The following NUP107 variants were observed in gnomAD, a reference collection of about 807,000 sequenced individuals.
NUP107 encodes nuclear pore complex protein Nup107.
NUP107 carries 101 observed loss-of-function variants against 141.0 expected under a neutral mutation model. That is an observed-to-expected ratio of 0.72 (90% CI 0.61 to 0.84). NUP107 has a LOEUF of 0.84. Ranked by LOEUF, NUP107 falls within the 40% of genes least tolerant of loss-of-function variation. The probability of loss-of-function intolerance (pLI) is 0.00; values close to 1 mark genes in which losing one functional copy is unlikely to be tolerated. For synonymous variants in NUP107, 319 were observed against 363.9 expected (o/e 0.88, Z 1.41); for missense variants, 941 against 1,102.7 (o/e 0.85, Z 2.08).
At chr12:68,706,183 C>CA (rs1876571964) in intron 8 of NUP107, 1 of 766,734 alleles carries the variant, frequency 1.3e-6, no homozygotes, top group Admixed American at 1.7e-5. Context: ...AGGATGATAT[C>CA]AAAAAGCATA....
At chr12:68,696,791 T>TC (rs768534901) in intron 5 of NUP107, 28 bp from the exon 6 acceptor site, 23 of 1,118,844 alleles carry the variant, frequency 2.1e-5, no homozygotes, top group Middle Eastern at 4.2e-4. Context: ...TTTTCTTTAT[T>TC]CCTTTTTTTT....
chr12:68,731,358 G>A (rs889248071), intron 21 of NUP107, 98 bp downstream of exon 21: 22 of 1,219,188 alleles, frequency 1.8e-5, no homozygotes, highest in Non-Finnish European at 1.6e-5. Context: ...TCTTATTTCT[G>A]TTGAGGGGAA....
Position 68,688,980 on chromosome 12 carries a change from A to T in NUP107, c.27A>T (p.Ile9=). ...ACTTTAGGAGTGGCTTTGGAGAGAT[A>T]TCATCCCCTGTAATCCGGGAGGCAG... MDRSGFGE[I]SSPVIREAEV... is the part of the protein sequence containing the mutation. Residue 9 remains isoleucine, a synonymous_variant, in exon 2 of 28, where the codon ATA becomes ATT. Transcript: ENST00000229179. 6.2e-7 allele frequency: 1 copy of T among 1,613,490 alleles called. No individual in the cohort carries two copies. Among genetic ancestry groups the T allele is most frequent in the Non-Finnish European group, 8.5e-7 (1 of 1,179,534 alleles).
rs982203386 is a variant in NUP107 at position 68,744,224 on chromosome 12, T to G, written c.*1762T>G. On this transcript the variant is annotated 3_prime_UTR_variant, in exon 28 of 28. Transcript: ENST00000229179. ...CTGTCATCTATTTAGGAACTTGTTT[T>G]GCATGTCCCCCACTCTGTATTTGTC... The G allele has an allele frequency of 6.6e-6, 1 of 152,156 alleles. No individual in the cohort carries two copies. Among genetic ancestry groups the G allele is most frequent in the Non-Finnish European group, 1.5e-5 (1 of 68,032 alleles). 9.4% of individuals were successfully genotyped at this position (152,156 alleles called of 1,614,324 possible).
At chr12:68,732,445 A>G (rs1044836774) in intron 22 of NUP107, 192 bp from the exon 23 acceptor site, 22 of 434,418 alleles carry the variant, frequency 5.1e-5, no homozygotes, top group Non-Finnish European at 7.8e-5. Context: ...AGTATTTTCT[A>G]TAATTTAATA....
At chr12:68,712,186 A>G (rs894009034) in intron 10 of NUP107, among the ~76,000 whole-genome samples, 48 of 152,124 alleles carry the variant, frequency 3.2e-4, no homozygotes, top group African/African-American at 1.1e-3. Flanking sequence ...AAAGATTTTT[A>G]AAAGGTCAGA....
In NUP107 at chr12:68,726,492, C is replaced by T. The variant is rs1052879654; in HGVS notation, c.1577-7C>T. 1 of 1,561,452 alleles carries T rather than the reference C, an allele frequency of 6.4e-7. No homozygotes were observed. Among genetic ancestry groups the T allele is most frequent in the Non-Finnish European group, 8.8e-7 (1 of 1,133,348 alleles). The stretch of plus-strand genomic sequence containing the variant: ...TATTGTTGAATCTTCACTTTGATGG[C>T]TTGTAGGTTTGATGGATGAGTTTAG... On this transcript the variant is annotated splice_polypyrimidine_tract_variant and splice_region_variant and intron_variant, in intron 18 of 27. Transcript: ENST00000229179.
At chr12:68,733,712 T>C in intron 24 of NUP107, 100 bp downstream of exon 24, 1 of 1,175,316 alleles carries the variant, frequency 8.5e-7, no homozygotes, top group Non-Finnish European at 1.2e-6. Context: ...TGTTGGTTCA[T>C]CTTACCTCTC....
rs1286460098 is a variant in NUP107 at position 68,700,815 on chromosome 12, G to A, written c.642G>A (p.Gln214=). 1.9e-6 allele frequency: 3 copies of A among 1,608,450 alleles called. No homozygotes were observed. The South Asian group carries it at 3.3e-5, about 18-fold the overall frequency. Residue 214 remains glutamine (Q), a synonymous_variant, in exon 7 of 28, where the codon CAG becomes CAA. Transcript: ENST00000229179. ...KTASMLWLLQ[Q]EMVTWRLLAS... is the part of the protein sequence containing the mutation. ...CCAGTATGCTCTGGCTTCTTCAACA[G>A]GAGATGGTCACATGGAGGCTGCTGG...
At chr12:68,696,974 A>T in intron 6 of NUP107, 52 bp downstream of exon 6, 1 of 1,133,020 alleles carries the variant, frequency 8.8e-7, no homozygotes. Context: ...TTTAGTTTTC[A>T]TAAACAGCAT....
intron 12 of NUP107, 81 bp from the exon 13 acceptor site, chr12:68,719,260 T>A: frequency 1.1e-6 from 1 of 952,064 alleles, no homozygotes; most frequent in Non-Finnish European, 1.7e-6. Flanking sequence ...CCATAAGTTA[T>A]CTAAGCTTGT....
chr12:68,687,670 T>C (rs1875563942), intron 1 of NUP107: 3 of 985,086 alleles, frequency 3.0e-6, no homozygotes, highest in Non-Finnish European at 3.6e-6. Context: ...ACTTTCTAGC[T>C]GGTCTTTGAA....
chr12:68,738,005 C>T (rs1452681489), intron 26 of NUP107, among the ~76,000 whole-genome samples: 3 of 151,950 alleles, frequency 2.0e-5, no homozygotes, highest in South Asian at 2.1e-4. Context: ...TGGCCGGGCA[C>T]GGTGGCTCAC....
At chr12:68,723,207 T>TA (rs879655945) in intron 17 of NUP107, among the ~76,000 whole-genome samples, 15 of 146,510 alleles carry the variant, frequency 1.0e-4, no homozygotes, top group Admixed American at 2.0e-4. Flanking sequence ...ACTTCGTCTC[T>TA]AAAAAAAAAA....
At position 68,690,723 on chromosome 12, in the gene NUP107, G is replaced by T; in HGVS notation, c.280G>T (p.Gly94Trp). Residue 94 changes from glycine to tryptophan, a missense_variant, in exon 4 of 28, where the codon GGG becomes TGG. By Grantham distance (184) the Gly-to-Trp change is radical (BLOSUM62 -2). Transcript: ENST00000229179. Reference protein sequence around the residue: ...GKSPRLTQSSGFFGNLSMVTN... With the variant: ...GKSPRLTQSSWFFGNLSMVTN... ...GTCGCCCCGACTTACGCAGTCTTCA[G>T]GGTTCTTTGGAAATCTCTCCATGGT... 1 of 1,614,106 alleles carries T rather than the reference G, an allele frequency of 6.2e-7. No homozygotes were observed. Among genetic ancestry groups the T allele is most frequent in the Middle Eastern group, 1.6e-4 (1 of 6,062 alleles).
At chr12:68,736,734 T>C (rs1418650383) in intron 26 of NUP107, among the ~76,000 whole-genome samples, 2 of 150,668 alleles carry the variant, frequency 1.3e-5, no homozygotes, top group African/African-American at 2.4e-5. Context: ...TTTTTTTTTT[T>C]TTTTTGAGAA....
At chr12:68,715,961 T>C (rs1278851743) in intron 12 of NUP107, among the ~76,000 whole-genome samples, 1 of 152,204 alleles carries the variant, frequency 6.6e-6, no homozygotes, top group Non-Finnish European at 1.5e-5. Context: ...TAGAAAATTA[T>C]TTATAACAAG....
intron 11 of NUP107, among the ~76,000 whole-genome samples, chr12:68,714,536 A>G (rs538639285): frequency 1.3e-5 from 2 of 152,344 alleles, no homozygotes; most frequent in East Asian, 1.9e-4. Context: ...CAAAATATTT[A>G]TGAAAGTAGT....
At chr12:68,733,842 A>G (rs1428849841) in intron 24 of NUP107, among the ~76,000 whole-genome samples, 1 of 152,240 alleles carries the variant, frequency 6.6e-6, no homozygotes, top group Non-Finnish European at 1.5e-5. Context: ...GATAGTGTCT[A>G]TGATGTCTGG....
Sources: allele counts gnomAD v4.1 joint callset (sites outside exome capture counted in the v4.1 genomes callset), GRCh38; gene constraint gnomAD v4.1.1; transcripts MANE v1.5; gene names NCBI Gene and HGNC (gene_info 2026-07-23, HGNC 2026-07-21).